PPP1R9A: variants seen among roughly 807,000 people sequenced by gnomAD.
PPP1R9A encodes the protein protein phosphatase 1 regulatory subunit 9A, also known as neurabin-1.
In PPP1R9A, 59 loss-of-function variants were observed where a neutral mutation model predicts 141.9. The observed-to-expected ratio is 0.42, with a 90% CI of 0.34 to 0.52. PPP1R9A has a LOEUF of 0.52. Ranked by LOEUF, PPP1R9A falls within the 20% of genes least tolerant of loss-of-function variation. The pLI is 0.10. For missense variants in PPP1R9A, 1,444 were observed against 1,611.9 expected (o/e 0.90, Z 1.78); for synonymous variants, 500 against 569.7 (o/e 0.88, Z 1.74).
intron 14 of PPP1R9A, among the ~76,000 whole-genome samples, chr7:95,271,329 C>G (rs1413351772): frequency 6.6e-6 from 1 of 152,134 alleles, no homozygotes; most frequent in Admixed American, 6.6e-5. Context: ...TTAGGAGACC[C>G]TATGAGGTGG....
intron 2 of PPP1R9A, among the ~76,000 whole-genome samples, chr7:95,045,700 C>A (rs1809914352): frequency 6.6e-6 from 1 of 152,118 alleles, no homozygotes. Flanking sequence ...AACTGTGGGA[C>A]CATCACCTGA....
intron 4 of PPP1R9A, among the ~76,000 whole-genome samples, chr7:95,123,250 T>G (rs1822955690): frequency 6.6e-6 from 1 of 152,214 alleles, no homozygotes; most frequent in Admixed American, 6.5e-5. Context: ...CCAGTCCCAG[T>G]GTACATTTAT....
chr7:95,145,438 C>A (rs1169130040), intron 4 of PPP1R9A, among the ~76,000 whole-genome samples: 2 of 151,994 alleles, frequency 1.3e-5, no homozygotes, highest in Non-Finnish European at 2.9e-5. Flanking sequence ...AAAGTTAAAA[C>A]CACAAAAGGC....
chr7:95,278,573 C>T (rs1257741703), intron 16 of PPP1R9A, among the ~76,000 whole-genome samples: 1 of 152,020 alleles, frequency 6.6e-6, no homozygotes, highest in African/African-American at 2.4e-5. Context: ...TTCAGTTGGT[C>T]TATTCATTTA....
chr7:95,230,769 GAAAC>G (rs1795808395), intron 8 of PPP1R9A, among the ~76,000 whole-genome samples: 1 of 152,004 alleles, frequency 6.6e-6, no homozygotes, highest in African/African-American at 2.4e-5. Flanking sequence ...AAAACAAAGA[GAAAC>G]AAATCCTCGA....
At chr7:95,035,435 C>A (rs769530094) in intron 2 of PPP1R9A, among the ~76,000 whole-genome samples, 1 of 152,034 alleles carries the variant, frequency 6.6e-6, no homozygotes, top group African/African-American at 2.4e-5. Context: ...TATCTTTTCT[C>A]CTTCTGTCAG....
chr7:95,084,964 G>C (rs917864717), intron 2 of PPP1R9A, among the ~76,000 whole-genome samples: 3 of 151,900 alleles, frequency 2.0e-5, no homozygotes, highest in Non-Finnish European at 4.4e-5. Flanking sequence ...TTTTAGGTTC[G>C]TATATGTATC....
At chr7:95,137,219 T>A (rs1825812033) in intron 4 of PPP1R9A, among the ~76,000 whole-genome samples, 1 of 151,024 alleles carries the variant, frequency 6.6e-6, no homozygotes, top group African/African-American at 2.4e-5. Flanking sequence ...TATCTCCTAA[T>A]GCTATCCCTC....
At chr7:95,275,028 T>TG (rs1404938389) in intron 16 of PPP1R9A, among the ~76,000 whole-genome samples, 3 of 152,226 alleles carry the variant, frequency 2.0e-5, no homozygotes, top group Non-Finnish European at 4.4e-5. Flanking sequence ...GATAACAATT[T>TG]GCTGCTATTG....
intron 7 of PPP1R9A, among the ~76,000 whole-genome samples, chr7:95,225,580 C>G (rs1443887150): frequency 1.3e-5 from 2 of 152,136 alleles, no homozygotes; most frequent in Admixed American, 6.6e-5. Flanking sequence ...CTCCCCTTCC[C>G]TTTTCATTGC....
chr7:95,283,444 G>A (rs1329419784), intron 16 of PPP1R9A, among the ~76,000 whole-genome samples: 1 of 152,216 alleles, frequency 6.6e-6, no homozygotes, highest in East Asian at 1.9e-4. Flanking sequence ...GGCCCTCCAA[G>A]TGGGAGATGA....
chr7:94,996,271 T>C (rs2151474940), intron 2 of PPP1R9A, among the ~76,000 whole-genome samples: 1 of 152,314 alleles, frequency 6.6e-6, no homozygotes, highest in Non-Finnish European at 1.5e-5. Context: ...AGAAATGATT[T>C]ATTATACAGA....
chr7:94,978,675 G>T (rs1450518326), intron 2 of PPP1R9A, among the ~76,000 whole-genome samples: 1 of 152,132 alleles, frequency 6.6e-6, no homozygotes, highest in Non-Finnish European at 1.5e-5. Flanking sequence ...TAATGACCTA[G>T]TGTAAGTATT....
intron 2 of PPP1R9A, among the ~76,000 whole-genome samples, chr7:95,068,996 A>G (rs1169099116): frequency 6.6e-6 from 1 of 152,210 alleles, no homozygotes; most frequent in Admixed American, 6.5e-5. Flanking sequence ...GTATTTGCAT[A>G]TAACCCACAC....
chr7:95,187,741 A>C (rs944297021), intron 5 of PPP1R9A, among the ~76,000 whole-genome samples: 2 of 152,084 alleles, frequency 1.3e-5, no homozygotes, highest in African/African-American at 4.8e-5. Flanking sequence ...TTAAATTTCT[A>C]TCTTGATTTC....
chr7:95,141,256 A>G (rs1826626872), intron 4 of PPP1R9A, among the ~76,000 whole-genome samples: 1 of 152,198 alleles, frequency 6.6e-6, no homozygotes, highest in African/African-American at 2.4e-5. Context: ...AACTAGGCCA[A>G]GTGATTAGAA....
At chr7:95,073,696 T>C (rs1814365205) in intron 2 of PPP1R9A, among the ~76,000 whole-genome samples, 1 of 148,934 alleles carries the variant, frequency 6.7e-6, no homozygotes, top group Non-Finnish European at 1.5e-5. Context: ...CTTTGTAATC[T>C]TCTAGAAATT....
At chr7:95,139,560 G>C (rs1214010595) in intron 4 of PPP1R9A, among the ~76,000 whole-genome samples, 4 of 152,156 alleles carry the variant, frequency 2.6e-5, no homozygotes, top group Admixed American at 2.6e-4. Context: ...ATTGCTTCAT[G>C]TTATTCTGTT....
At chr7:94,917,583 T>TG (rs1235157142) in intron 2 of PPP1R9A, among the ~76,000 whole-genome samples, 1 of 151,590 alleles carries the variant, frequency 6.6e-6, no homozygotes, top group Non-Finnish European at 1.5e-5. Flanking sequence ...TATTTTTTTT[T>TG]TTTTTGTAGA....
Sources: gnomAD v4.1 joint callset for allele counts (sites outside exome capture counted in the v4.1 genomes callset) on GRCh38, gnomAD v4.1.1 for gene constraint, MANE v1.5 for transcripts, NCBI Gene and HGNC (gene_info 2026-07-23, HGNC 2026-07-21) for gene names.